RAB27B: variants seen among roughly 807,000 people sequenced by gnomAD.
RAB27B encodes the protein ras-related protein Rab-27B.
A neutral mutation model predicts 24.6 loss-of-function variants in RAB27B; 15 were observed. The ratio of observed to expected loss-of-function variants is 0.61; its 90% CI spans 0.41 to 0.94. RAB27B has a LOEUF of 0.94. Ranked by LOEUF, RAB27B falls within the 40% of genes least tolerant of loss-of-function variation. The pLI is 0.00. For synonymous variants in RAB27B, 105 were observed against 92.5 expected (o/e 1.14, Z -0.78); for missense variants, 261 against 266.8 (o/e 0.98, Z 0.15).
intron 4 of RAB27B, among the ~76,000 whole-genome samples, chr18:54,887,404 G>A (rs1054290015): frequency 6.6e-6 from 1 of 151,834 alleles, no homozygotes; most frequent in African/African-American, 2.4e-5. Flanking sequence ...TAGCAACTTG[G>A]TATGTATTAT....
chr18:54,720,456 G>T (rs1351251611), intron 2 of RAB27B, among the ~76,000 whole-genome samples: 1 of 151,986 alleles, frequency 6.6e-6, no homozygotes, highest in Non-Finnish European at 1.5e-5. Flanking sequence ...CATCCAAAAA[G>T]ACAGACAATA....
intron 1 of RAB27B, among the ~76,000 whole-genome samples, chr18:54,854,877 A>G (rs1911720180): frequency 1.3e-5 from 2 of 152,216 alleles, no homozygotes; most frequent in Admixed American, 1.3e-4. Context: ...TTTTGACACC[A>G]GGGACGGGTT....
At chr18:54,775,469 C>A (rs915715201) in intron 2 of RAB27B, among the ~76,000 whole-genome samples, 1 of 152,130 alleles carries the variant, frequency 6.6e-6, no homozygotes, top group African/African-American at 2.4e-5. Context: ...AGGCTACAAA[C>A]CGGTCATTTC....
chr18:54,842,528 A>C (rs1911157092), intron 1 of RAB27B, among the ~76,000 whole-genome samples: 1 of 152,120 alleles, frequency 6.6e-6, no homozygotes, highest in Non-Finnish European at 1.5e-5. Context: ...CATCAAGTTT[A>C]GAAGATAATA....
At chr18:54,871,508 A>G (rs1912463088) in intron 1 of RAB27B, among the ~76,000 whole-genome samples, 1 of 152,218 alleles carries the variant, frequency 6.6e-6, no homozygotes, top group Non-Finnish European at 1.5e-5. Flanking sequence ...TGTGCTTGAC[A>G]GCTTTATTTT....
At chr18:54,823,418 GGGTCAA>G (rs1910373005) in intron 2 of RAB27B, among the ~76,000 whole-genome samples, 1 of 142,550 alleles carries the variant, frequency 7.0e-6, no homozygotes, top group East Asian at 2.3e-4. Context: ...ATCAGTGAGG[GGGTCAA>G]GTCAAGAGAA....
At chr18:54,838,249 G>A (rs1290425533) in intron 1 of RAB27B, among the ~76,000 whole-genome samples, 3 of 152,078 alleles carry the variant, frequency 2.0e-5, no homozygotes, top group African/African-American at 7.2e-5. Flanking sequence ...GAGTATTTGT[G>A]TAGATTCCAA....
At chr18:54,732,074 G>C (rs909991391) in intron 2 of RAB27B, among the ~76,000 whole-genome samples, 8 of 152,302 alleles carry the variant, frequency 5.3e-5, no homozygotes, top group Middle Eastern at 6.8e-3. Flanking sequence ...GATAAAGAAT[G>C]ACCATTTTTT....
At position 54,840,464 on chromosome 18, in the gene RAB27B, T is replaced by C. The variant is rs529749034; in HGVS notation, c.-20+11764T>C. Reference sequence around the variant, plus strand: ...ATGCCTAATATTAGAGGCTCCAGACTTAAAAATAGAGTTGTACAAGAAGAA... The same window carrying C: ...ATGCCTAATATTAGAGGCTCCAGACCTAAAAATAGAGTTGTACAAGAAGAA... On this transcript the variant is annotated intron_variant, in intron 1 of 5. Transcript: ENST00000262094. Among the ~76,000 whole-genome samples the C allele has an allele frequency of 3.9e-5, 6 of 152,290 alleles. No individual in the cohort carries two copies. The South Asian group carries it at 1.2e-3, about 32-fold the overall frequency.
chr18:54,758,934 G>A (rs916586198), intron 2 of RAB27B, among the ~76,000 whole-genome samples: 3 of 152,132 alleles, frequency 2.0e-5, no homozygotes, highest in South Asian at 2.1e-4. Context: ...GACTTCAAAC[G>A]TCTCTCTATA....
At chr18:54,728,870 T>A in intron 2 of RAB27B, among the ~76,000 whole-genome samples, 1 of 48,672 alleles carries the variant, frequency 2.1e-5, no homozygotes, top group South Asian at 8.6e-4. Flanking sequence ...AGTAAGACTC[T>A]GTCTCAAAAA....
At chr18:54,820,208 G>A (rs374938991) in intron 2 of RAB27B, among the ~76,000 whole-genome samples, 2 of 152,284 alleles carry the variant, frequency 1.3e-5, no homozygotes, top group Admixed American at 6.5e-5. Context: ...GACTTCCACA[G>A]TGGTTGAACT....
intron 2 of RAB27B, among the ~76,000 whole-genome samples, chr18:54,727,004 CAGAGTT>C (rs1909559971): frequency 6.6e-6 from 1 of 152,116 alleles, no homozygotes; most frequent in Non-Finnish European, 1.5e-5. Flanking sequence ...TGTTTTGAGA[CAGAGTT>C]TTGCTCCTGT....
At chr18:54,825,604 G>A (rs1910446205), upstream of RAB27B, among the ~76,000 whole-genome samples, 1 of 151,882 alleles carries the variant, frequency 6.6e-6, no homozygotes, top group Non-Finnish European at 1.5e-5. Context: ...TTCCTGTTTT[G>A]TATATAAATT....
chr18:54,792,734 C>T (rs913867724), intron 2 of RAB27B, among the ~76,000 whole-genome samples: 1 of 149,268 alleles, frequency 6.7e-6, no homozygotes, highest in African/African-American at 2.5e-5. Flanking sequence ...TTAAGGAACT[C>T]GTGAAGATCT....
At chr18:54,743,810 C>T (rs905033456) in intron 2 of RAB27B, among the ~76,000 whole-genome samples, 14 of 152,182 alleles carry the variant, frequency 9.2e-5, no homozygotes, top group South Asian at 2.1e-4. Flanking sequence ...GATGAGAAAC[C>T]CTTGAAGAGG....
At chr18:54,840,132 A>T (rs1423593887) in intron 1 of RAB27B, among the ~76,000 whole-genome samples, 1 of 152,286 alleles carries the variant, frequency 6.6e-6, no homozygotes, top group African/African-American at 2.4e-5. Context: ...TTTATCATGA[A>T]GGTAAGATTG....
intron 2 of RAB27B, among the ~76,000 whole-genome samples, chr18:54,794,963 G>A (rs568838772): frequency 1.4e-4 from 21 of 152,294 alleles, no homozygotes; most frequent in African/African-American, 5.1e-4. Flanking sequence ...ATTTAATGTA[G>A]AGACTAAAAG....
At chr18:54,809,480 C>T (rs552323952) in intron 2 of RAB27B, among the ~76,000 whole-genome samples, 40 of 152,240 alleles carry the variant, frequency 2.6e-4, no homozygotes, top group African/African-American at 8.7e-4. Flanking sequence ...GAGGTGAATC[C>T]TGGAAACTGG....
Sources: gnomAD v4.1 joint callset for allele counts (sites outside exome capture counted in the v4.1 genomes callset) on GRCh38, gnomAD v4.1.1 for gene constraint, MANE v1.5 for transcripts, NCBI Gene and HGNC (gene_info 2026-07-23, HGNC 2026-07-21) for gene names.